Variants in RELN observed in about 807,000 individuals in gnomAD.
RELN encodes the protein reelin.
A neutral mutation model predicts 427.6 loss-of-function variants in RELN; 108 were observed. That is an observed-to-expected ratio of 0.25 (90% CI 0.22 to 0.30). The LOEUF is 0.30. RELN is among the 10% of genes least tolerant of loss of function. RELN has a pLI of 1.00. For synonymous variants in RELN, 1,524 were observed against 1,513.4 expected (o/e 1.01, Z -0.16); for missense variants, 3,715 against 4,302.8 (o/e 0.86, Z 3.82).
chr7:103,502,262 G>A (rs1223933920), intron 52 of RELN, among the ~76,000 whole-genome samples: 1 of 151,738 alleles, frequency 6.6e-6, no homozygotes, highest in African/African-American at 2.4e-5. Context: ...ACCCTGAGTG[G>A]TAATAATAAT....
intron 8 of RELN, 103 bp from the exon 9 acceptor site, chr7:103,701,109 TTGTC>T (rs1834081478): frequency 2.7e-6 from 2 of 745,672 alleles, no homozygotes; most frequent in African/African-American, 1.7e-5. Flanking sequence ...TATTAGATAT[TTGTC>T]TGGTAACTTC....
rs141887113 is a variant in RELN, at chr7:103,729,145, CCT to C, written c.657-940_657-939del. Among the ~76,000 whole-genome samples, 1,472 of 152,182 alleles carry C rather than the reference CCT, an allele frequency of 9.7e-3. 25 individuals carry two copies. Among genetic ancestry groups the C allele is most frequent in the African/African-American group, 0.033 (1,387 of 41,514 alleles). ...TGTAGAAATAAAGAGCAATGTTTCCCCTGTCTGAACCTCAAACCACATGAGAG... is the reference window on the plus strand; with the variant it reads ...TGTAGAAATAAAGAGCAATGTTTCCCGTCTGAACCTCAAACCACATGAGAG... On this transcript the variant is annotated intron_variant, in intron 6 of 64. Transcript: ENST00000428762.
At chr7:103,566,802 A>AGAGGG in intron 31 of RELN, 43 bp from the exon 32 acceptor site, 1 of 1,582,714 alleles carries the variant, frequency 6.3e-7, no homozygotes, top group Non-Finnish European at 8.7e-7. Context: ...ACACTTTCCT[A>AGAGGG]GAGGGGAAGG....
intron 31 of RELN, among the ~76,000 whole-genome samples, chr7:103,568,173 G>A (rs1157414592): frequency 6.6e-6 from 1 of 152,026 alleles, no homozygotes; most frequent in Non-Finnish European, 1.5e-5. Flanking sequence ...TGACTAACTA[G>A]AACTTCTCAA....
intron 3 of RELN, among the ~76,000 whole-genome samples, chr7:103,790,543 C>T (rs894702727): frequency 1.3e-5 from 2 of 152,088 alleles, no homozygotes; most frequent in Non-Finnish European, 2.9e-5. Flanking sequence ...TTGTGTCCCA[C>T]CCTCCGCCCC....
In RELN at chr7:103,826,320, ATGTGTGTGTG is replaced by A. The variant is rs71154374; in HGVS notation, c.473+7207_473+7216del. ...CAGAAGCACAAAACAGACTAAGACA[ATGTGTGTGTG>A]TGTGTGTGTGTGTGTGTGTGTGTGT... is the stretch of plus-strand genomic sequence containing the variant. On this transcript the variant is annotated intron_variant, in intron 3 of 64. Transcript: ENST00000428762. 2.0e-3 allele frequency among the ~76,000 whole-genome samples: 247 copies of A among 122,088 alleles called. 1 individual carries two copies. The highest frequency in any genetic ancestry group is 6.0e-3 in the African/African-American group (216 of 35,950). The allele number at this position is 122,088 out of a possible 152,430, so 80.1% of individuals were successfully genotyped here.
At chr7:103,578,187 G>T (rs1224692667) in intron 28 of RELN, among the ~76,000 whole-genome samples, 1 of 152,136 alleles carries the variant, frequency 6.6e-6, no homozygotes, top group African/African-American at 2.4e-5. Flanking sequence ...ATCAAGTTCT[G>T]ATTTGGCCAG....
intron 2 of RELN, among the ~76,000 whole-genome samples, chr7:103,839,405 C>T (rs1793497637): frequency 6.7e-6 from 1 of 148,598 alleles, no homozygotes; most frequent in Non-Finnish European, 1.5e-5. Context: ...TCTAGAGTTG[C>T]AACTATTAGA....
At chr7:103,549,104 A>C (rs1830359531) in intron 41 of RELN, among the ~76,000 whole-genome samples, 1 of 152,138 alleles carries the variant, frequency 6.6e-6, no homozygotes, top group African/African-American at 2.4e-5. Flanking sequence ...ACCATAAGGG[A>C]GTTCAGTGGA....
At chr7:103,780,752 G>A (rs538969769) in intron 3 of RELN, among the ~76,000 whole-genome samples, 7 of 152,222 alleles carry the variant, frequency 4.6e-5, no homozygotes, top group Non-Finnish European at 7.4e-5. Flanking sequence ...TTATGGCTGC[G>A]TAGTATTCCA....
At chr7:103,909,251 C>T (rs1360017411) in intron 2 of RELN, among the ~76,000 whole-genome samples, 3 of 151,724 alleles carry the variant, frequency 2.0e-5, no homozygotes, top group African/African-American at 4.8e-5. Context: ...TGGGCCTTGG[C>T]GATAATTAGC....
intron 19 of RELN, among the ~76,000 whole-genome samples, chr7:103,634,754 A>C (rs1450665728): frequency 6.6e-6 from 1 of 152,008 alleles, no homozygotes; most frequent in Admixed American, 6.6e-5. Flanking sequence ...ACAACATATT[A>C]AAATATATCA....
intron 3 of RELN, among the ~76,000 whole-genome samples, chr7:103,819,075 T>G (rs1328451075): frequency 2.0e-5 from 3 of 152,164 alleles, no homozygotes; most frequent in Non-Finnish European, 4.4e-5. Flanking sequence ...TGTGCACATG[T>G]GCAGGTGTCA....
At position 103,988,253 on chromosome 7, in the gene RELN, G is replaced by A. The variant is rs1488760327; in HGVS notation, c.226+878C>T. Among the ~76,000 whole-genome samples, 1 of 152,186 alleles carries A rather than the reference G, an allele frequency of 6.6e-6. No individual in the cohort carries two copies. The highest frequency in any genetic ancestry group is 1.5e-5 in the Non-Finnish European group (1 of 68,026). On this transcript the variant is annotated intron_variant, in intron 1 of 64. Coordinates refer to ENST00000428762, the MANE Select transcript of RELN (RefSeq NM_005045.4). This position sits in a 1 kb window ranked among gnomAD's most constrained non-coding sequence, Gnocchi z 4.9. Reference sequence around the variant, plus strand: ...TTTTTTATTTTTCCACATACTCGATGTACTAGCTTAAAATACATGTACTAC... The same window carrying A: ...TTTTTTATTTTTCCACATACTCGATATACTAGCTTAAAATACATGTACTAC...
Position 103,640,705 on chromosome 7 carries a change from G to T in RELN, c.2003-96C>A. On this transcript the variant is annotated intron_variant, in intron 16 of 64. Coordinates refer to ENST00000428762, the MANE Select transcript of RELN (RefSeq NM_005045.4). This position sits in a 1 kb window ranked among gnomAD's most constrained non-coding sequence, Gnocchi z 4.1. ...ACTCATGAAATATGGCCCCTTGTGT[G>T]TATGTTGTGTGCAGGAACCCAGGGT... 1 of 1,260,660 alleles carries T rather than the reference G, an allele frequency of 7.9e-7. No homozygotes were observed. Among genetic ancestry groups the T allele is most frequent in the Non-Finnish European group, 1.1e-6 (1 of 882,610 alleles). The allele number at this position is 1,260,660 out of a possible 1,614,324, so 78.1% of individuals were successfully genotyped here.
intron 1 of RELN, among the ~76,000 whole-genome samples, chr7:103,930,892 G>C (rs1437087431): frequency 2.0e-5 from 3 of 151,502 alleles, no homozygotes; most frequent in Non-Finnish European, 2.9e-5. Context: ...GTGTGTGTGT[G>C]TGTGTGTGTG....
intron 2 of RELN, among the ~76,000 whole-genome samples, chr7:103,862,548 C>CT (rs1334425716): frequency 6.6e-6 from 1 of 151,940 alleles, no homozygotes; most frequent in Non-Finnish European, 1.5e-5. Context: ...ACTCTCATGC[C>CT]TCTTTATCTT....
At chr7:103,793,272 A>G (rs534642863) in intron 3 of RELN, among the ~76,000 whole-genome samples, 9 of 152,230 alleles carry the variant, frequency 5.9e-5, no homozygotes, top group Non-Finnish European at 1.2e-4. Context: ...CATCTAGCAT[A>G]TGTATAGCAA....
At position 103,500,871 on chromosome 7, in the gene RELN, G is replaced by A. The variant is rs746020620; in HGVS notation, c.8541C>T (p.Ile2847=). 6.2e-6 allele frequency: 10 copies of A among 1,614,056 alleles called. No homozygotes were observed. The highest frequency in any genetic ancestry group is 3.3e-5 in the South Asian group (3 of 91,074). The change falls in exon 53 of 65, where the codon ATC becomes ATT. Residue 2847 remains isoleucine, a synonymous_variant. Transcript: ENST00000428762. ...YQKYSDMQWA[I]DNFYLGPGCL... is the part of the protein sequence containing the mutation. ...ATCCAGGGCCCAGGTAGAAATTATC[G>A]ATTGCCCACTGCATGTCTGAGTACT...
Sources: allele counts gnomAD v4.1 joint callset (sites outside exome capture counted in the v4.1 genomes callset), GRCh38; gene constraint gnomAD v4.1.1; non-coding constraint Gnocchi (gnomAD v3.1); transcripts MANE v1.5; gene names NCBI Gene and HGNC (gene_info 2026-07-23, HGNC 2026-07-21).